GRM3: variants seen among roughly 807,000 people sequenced by gnomAD.
GRM3 encodes glutamate metabotropic receptor 3.
In GRM3, 26 loss-of-function variants were observed where a neutral mutation model predicts 70.5. The ratio of observed to expected loss-of-function variants is 0.37; its 90% CI spans 0.27 to 0.51. The LOEUF (loss-of-function observed/expected upper bound fraction) is 0.51. Ranked by LOEUF, GRM3 falls within the 20% of genes least tolerant of loss-of-function variation. The pLI, the probability that GRM3 is intolerant of heterozygous loss-of-function variation, is 0.93. For missense variants in GRM3, 859 were observed against 1,123.8 expected, an observed-to-expected ratio of 0.76 and a Z score of 3.37; for synonymous variants, 443 against 434.9, an observed-to-expected ratio of 1.02 and a Z score of -0.23.
intron 1 of GRM3, among the ~76,000 whole-genome samples, chr7:86,664,810 G>A (rs1406922563): frequency 2.6e-5 from 4 of 151,940 alleles, no homozygotes; most frequent in African/African-American, 7.2e-5. Flanking sequence ...ATGTGTGCTA[G>A]TAAACCCAAA....
chr7:86,696,247 G>A (rs1352580080), intron 1 of GRM3, among the ~76,000 whole-genome samples: 1 of 152,182 alleles, frequency 6.6e-6, no homozygotes, highest in East Asian at 1.9e-4. Context: ...ATTAAATTAA[G>A]AAAGAGTGAT....
chr7:86,656,529 A>T (rs910403467), intron 1 of GRM3, among the ~76,000 whole-genome samples: 1 of 152,008 alleles, frequency 6.6e-6, no homozygotes, highest in Non-Finnish European at 1.5e-5. Context: ...TTGGCCTCCC[A>T]AAGTGCTGGG....
Position 86,819,706 on chromosome 7 carries a change from T to C in GRM3, c.1325-19133T>C, listed in dbSNP as rs569771776. 6.6e-5 allele frequency among the ~76,000 whole-genome samples: 10 copies of C among 152,304 alleles called. No individual in the cohort carries two copies. In the South Asian group the frequency reaches 1.2e-3, roughly 19 times the overall value. Reference sequence around the variant, plus strand: ...GGGGCATTTGATTCAAGATGTATGATGTTCTAATCCATGAATGCCAGAATC... The same window carrying C: ...GGGGCATTTGATTCAAGATGTATGACGTTCTAATCCATGAATGCCAGAATC... On this transcript the variant is annotated intron_variant, in intron 3 of 5. Coordinates refer to ENST00000361669, the MANE Select transcript of GRM3 (RefSeq NM_000840.3).
At chr7:86,645,879 T>A (rs1022057340) in intron 1 of GRM3, among the ~76,000 whole-genome samples, 1 of 150,814 alleles carries the variant, frequency 6.6e-6, no homozygotes, top group Non-Finnish European at 1.5e-5. Flanking sequence ...TTAATGTGAG[T>A]TGAGGTAGGT....
intron 1 of GRM3, among the ~76,000 whole-genome samples, chr7:86,695,301 T>C (rs1009323959): frequency 1.8e-4 from 28 of 152,210 alleles, no homozygotes; most frequent in Non-Finnish European, 1.2e-4. Context: ...TCTGATTTGA[T>C]AGCTTCTTCA....
At position 86,710,418 on chromosome 7, in the gene GRM3, T is replaced by C. The variant is rs546175533; in HGVS notation, c.-140-54588T>C. 1.0e-3 allele frequency among the ~76,000 whole-genome samples: 154 copies of C among 151,656 alleles called. 1 individual carries two copies. Among genetic ancestry groups the C allele is most frequent in the African/African-American group, 3.7e-3 (151 of 41,314 alleles). On this transcript the variant is annotated intron_variant, in intron 1 of 5. Coordinates refer to ENST00000361669, the MANE Select transcript of GRM3 (RefSeq NM_000840.3). ...AAATTTCACATTTGAATAAATTACG[T>C]TTATGTTTTATATTTACTGGGAAAG...
intron 1 of GRM3, among the ~76,000 whole-genome samples, chr7:86,678,131 G>A (rs1794351382): frequency 3.3e-5 from 5 of 151,948 alleles, no homozygotes; most frequent in Admixed American, 3.3e-4. Context: ...GCATAAAAAT[G>A]AAGTATATTA....
chr7:86,767,542 TATATATATATATATATAA>T (rs1796636025), intron 2 of GRM3, among the ~76,000 whole-genome samples: 1 of 129,390 alleles, frequency 7.7e-6, no homozygotes, highest in African/African-American at 3.1e-5. Flanking sequence ...TATATATATA[TATATATATATATATATAA>T]ATGAAGTATG....
rs188557780 is a variant in GRM3, at chr7:86,807,909, G to T, written c.1324+20793G>T. On this transcript the variant is annotated intron_variant, in intron 3 of 5. Coordinates refer to ENST00000361669, the MANE Select transcript of GRM3 (RefSeq NM_000840.3). ...TCATAAATAGCTCTTATTATTTTGAGATAAGTCCCATCAATACCTAGTTTA... is the reference window on the plus strand; with the variant it reads ...TCATAAATAGCTCTTATTATTTTGATATAAGTCCCATCAATACCTAGTTTA... Among the ~76,000 whole-genome samples the T allele has an allele frequency of 6.7e-3, 1,013 of 152,224 alleles. 8 individuals carry two copies. The highest frequency in any genetic ancestry group is 0.023 in the African/African-American group (950 of 41,534).
At chr7:86,656,010 C>T (rs1247653824) in intron 1 of GRM3, among the ~76,000 whole-genome samples, 4 of 152,128 alleles carry the variant, frequency 2.6e-5, no homozygotes, top group Non-Finnish European at 5.9e-5. Flanking sequence ...CTTTGAGATT[C>T]CCATTTCCCT....
At chr7:86,847,590 A>G (rs1175110687) in intron 4 of GRM3, among the ~76,000 whole-genome samples, 2 of 152,162 alleles carry the variant, frequency 1.3e-5, no homozygotes, top group African/African-American at 2.4e-5. Context: ...GTCCACAACT[A>G]AGCTCTGGGG....
intron 1 of GRM3, among the ~76,000 whole-genome samples, chr7:86,707,249 CT>C (rs1193655443): frequency 9.9e-5 from 15 of 152,106 alleles, no homozygotes; most frequent in African/African-American, 3.6e-4. Context: ...TAATTTTATT[CT>C]GTAATTTTAG....
intron 1 of GRM3, among the ~76,000 whole-genome samples, chr7:86,664,851 T>G (rs1171525191): frequency 6.6e-6 from 1 of 152,014 alleles, no homozygotes; most frequent in Non-Finnish European, 1.5e-5. Context: ...CACTCTTAAT[T>G]AAACCTCCCA....
At chr7:86,692,656 G>C (rs187332623) in intron 1 of GRM3, among the ~76,000 whole-genome samples, 1 of 151,984 alleles carries the variant, frequency 6.6e-6, no homozygotes, top group Non-Finnish European at 1.5e-5. Context: ...TCTTTTATTA[G>C]AATATTAAGG....
intron 1 of GRM3, among the ~76,000 whole-genome samples, chr7:86,669,564 C>T (rs1794119406): frequency 6.6e-6 from 1 of 152,164 alleles, no homozygotes; most frequent in African/African-American, 2.4e-5. Context: ...CTGTGAGTTC[C>T]TGTCTTCATT....
intron 5 of GRM3, among the ~76,000 whole-genome samples, chr7:86,861,153 A>T (rs1798949425): frequency 6.6e-6 from 1 of 152,216 alleles, no homozygotes; most frequent in South Asian, 2.1e-4. Context: ...GGTCATTGTC[A>T]CAATGTGGCT....
intron 5 of GRM3, among the ~76,000 whole-genome samples, chr7:86,863,771 A>G (rs1584286303): frequency 1.3e-5 from 2 of 152,246 alleles, no homozygotes; most frequent in South Asian, 4.1e-4. Flanking sequence ...TGAGCTTTTG[A>G]TTTTGCACAT....
chr7:86,788,172 C>G (rs1342273167), intron 3 of GRM3, among the ~76,000 whole-genome samples: 1 of 152,214 alleles, frequency 6.6e-6, no homozygotes. Context: ...GAAGTATCAT[C>G]CAAGACCTGA....
intron 1 of GRM3, among the ~76,000 whole-genome samples, chr7:86,674,127 C>T (rs951534530): frequency 1.1e-4 from 17 of 152,120 alleles, no homozygotes; most frequent in African/African-American, 3.9e-4. Flanking sequence ...GGAATCCAGG[C>T]GTAGCTTAGC....
Sources: gnomAD v4.1 joint callset for allele counts (sites outside exome capture counted in the v4.1 genomes callset) on GRCh38, gnomAD v4.1.1 for gene constraint, MANE v1.5 for transcripts, NCBI Gene and HGNC (gene_info 2026-07-23, HGNC 2026-07-21) for gene names.